ADGRL1: variants seen among roughly 807,000 people sequenced by gnomAD.
ADGRL1 encodes adhesion G protein-coupled receptor L1.
A neutral mutation model predicts 148.9 loss-of-function variants in ADGRL1; 31 were observed. The ratio of observed to expected loss-of-function variants is 0.21; its 90% CI spans 0.16 to 0.28. ADGRL1 has a LOEUF of 0.28. Ranked by LOEUF, ADGRL1 falls within the 10% of genes least tolerant of loss-of-function variation. ADGRL1 has a pLI of 1.00. For synonymous variants in ADGRL1, 937 were observed against 900.3 expected (o/e 1.04, Z -0.73); for missense variants, 1,521 against 2,058.8 (o/e 0.74, Z 5.05).
chr19:14,178,448 T>C (rs1219066799), intron 2 of ADGRL1, among the ~76,000 whole-genome samples: 1 of 151,936 alleles, frequency 6.6e-6, no homozygotes, highest in African/African-American at 2.4e-5. Context: ...GAGGCTCCAG[T>C]AAGCCATGAT....
intron 1 of ADGRL1, among the ~76,000 whole-genome samples, chr19:14,205,625 G>A (rs551565295): frequency 5.4e-4 from 82 of 151,606 alleles, no homozygotes; most frequent in African/African-American, 1.9e-3. Flanking sequence ...CGCAGGCACC[G>A]CCGCGCCGCT....
In ADGRL1 at chr19:14,189,487, C is replaced by T. The variant is rs186609997; in HGVS notation, c.-95-5790G>A. 1.3e-4 allele frequency among the ~76,000 whole-genome samples: 20 copies of T among 152,282 alleles called. No individual in the cohort carries two copies. In the East Asian group the frequency reaches 2.9e-3, roughly 22 times the overall value. On this transcript the variant is annotated intron_variant, in intron 1 of 22. Coordinates refer to ENST00000361434, the MANE Select transcript of ADGRL1 (RefSeq NM_014921.5). The stretch of plus-strand genomic sequence containing the variant: ...TCAAGTGATCTGCCCATCTTGGCCT[C>T]GTAAAGTGCTGGGATTACGGCTGTG...
Position 14,161,260 on chromosome 19 carries a change from C to T in ADGRL1, c.1510+52G>A, listed in dbSNP as rs189402785. On this transcript the variant is annotated intron_variant, in intron 6 of 22. Transcript: ENST00000361434. This position sits in a 1 kb window ranked among gnomAD's most constrained non-coding sequence, Gnocchi z 4.4. The stretch of plus-strand genomic sequence containing the variant: ...CACCCACACATGCATCTGTGCTAAG[C>T]TGCTGGGGGCATGGCCCCCATCCCT... The T allele has an allele frequency of 1.5e-3, 2,279 of 1,479,576 alleles. 35 individuals are homozygous for T. In the African/African-American group the frequency reaches 0.029, roughly 19 times the overall value. The allele number at this position is 1,479,576 out of a possible 1,614,324, so 91.7% of individuals were successfully genotyped here.
At chr19:14,204,763 C>G (rs1289493323) in intron 1 of ADGRL1, among the ~76,000 whole-genome samples, 1 of 149,524 alleles carries the variant, frequency 6.7e-6, no homozygotes, top group Non-Finnish European at 1.5e-5. Flanking sequence ...AGAGAGAGCG[C>G]GCGAGCCAGC....
At chr19:14,190,817 G>A (rs1971881788) in intron 1 of ADGRL1, among the ~76,000 whole-genome samples, 1 of 152,194 alleles carries the variant, frequency 6.6e-6, no homozygotes, top group African/African-American at 2.4e-5. Flanking sequence ...GCCGGGCGCA[G>A]TGGCTCACGC....
chr19:14,201,958 T>C (rs1368499911), intron 1 of ADGRL1, among the ~76,000 whole-genome samples: 1 of 152,078 alleles, frequency 6.6e-6, no homozygotes, highest in Non-Finnish European at 1.5e-5. Context: ...GAGTAAACGT[T>C]ACTGGGGAGG....
At chr19:14,175,722 TCA>T (rs1488204943) in intron 3 of ADGRL1, among the ~76,000 whole-genome samples, 1 of 151,938 alleles carries the variant, frequency 6.6e-6, no homozygotes, top group Non-Finnish European at 1.5e-5. Flanking sequence ...ACACATTTAG[TCA>T]CACACTCAAA....
Position 14,155,813 on chromosome 19 carries a change from T to C in ADGRL1, c.3126-286A>G, listed in dbSNP as rs1968670082. 2 of 576,374 alleles carry C rather than the reference T, an allele frequency of 3.5e-6. No homozygotes were observed. Among genetic ancestry groups the C allele is most frequent in the South Asian group, 2.1e-5 (1 of 47,286 alleles). 35.7% of individuals were successfully genotyped at this position (576,374 alleles called of 1,614,324 possible). A position where few individuals can be genotyped will look rare whatever the true frequency, so the allele number is the denominator to read the frequency against. ...CTAAATTTCCAGACCACTTAGGCTA[T>C]ATTTGCTGCCTATTTCTCTTTAAGT... On this transcript the variant is annotated intron_variant, in intron 17 of 22. Transcript: ENST00000361434. The surrounding 1 kb of genome is among the most constrained non-coding windows in gnomAD (Gnocchi z 5.0).
chr19:14,158,195 C>A, intron 12 of ADGRL1, 143 bp from the exon 13 acceptor site: 1 of 1,223,806 alleles, frequency 8.2e-7, no homozygotes, highest in Non-Finnish European at 1.2e-6. Context: ...ATTCTGAGAG[C>A]TCTGGGGACA....
intron 2 of ADGRL1, among the ~76,000 whole-genome samples, chr19:14,179,279 G>A (rs1971028599): frequency 6.6e-6 from 1 of 152,060 alleles, no homozygotes; most frequent in Non-Finnish European, 1.5e-5. Context: ...CAGATCATGA[G>A]GTGAGGTGAT....
intron 1 of ADGRL1, among the ~76,000 whole-genome samples, chr19:14,188,374 G>A (rs747984969): frequency 2.1e-4 from 32 of 152,024 alleles, no homozygotes; most frequent in Non-Finnish European, 4.1e-4. Flanking sequence ...AGACACCCAC[G>A]GAAGAGGCAG....
At chr19:14,200,192 T>G (rs1019142010) in intron 1 of ADGRL1, among the ~76,000 whole-genome samples, 4 of 152,206 alleles carry the variant, frequency 2.6e-5, no homozygotes, top group Non-Finnish European at 5.9e-5. Context: ...GCAAAGGCCC[T>G]GGGGCTGGAC....
chr19:14,156,837 G>C (rs1188928729), intron 15 of ADGRL1, 88 bp downstream of exon 15: 1 of 1,530,008 alleles, frequency 6.5e-7, no homozygotes, highest in African/African-American at 1.4e-5. Context: ...AGGAGGAAGG[G>C]ACTACCGCCC....
intron 1 of ADGRL1, among the ~76,000 whole-genome samples, chr19:14,187,240 G>A (rs1485406261): frequency 6.6e-6 from 1 of 152,220 alleles, no homozygotes; most frequent in Admixed American, 6.5e-5. Context: ...TCGGGAGGCT[G>A]AGGCACGAGA....
At chr19:14,174,360 A>G (rs1157059088) in intron 3 of ADGRL1, among the ~76,000 whole-genome samples, 1 of 151,998 alleles carries the variant, frequency 6.6e-6, no homozygotes, top group African/African-American at 2.4e-5. Context: ...AAGAGAGGCA[A>G]GATTGCTGGA....
intron 3 of ADGRL1, among the ~76,000 whole-genome samples, chr19:14,175,059 T>C (rs1438619817): frequency 6.6e-6 from 1 of 151,264 alleles, no homozygotes; most frequent in Non-Finnish European, 1.5e-5. Flanking sequence ...CCCAGTCTGG[T>C]CTCGAACTCC....
chr19:14,159,389 T>C lies in ADGRL1; in HGVS notation c.2023+12A>G, dbSNP rs775772897. On this transcript the variant is annotated intron_variant, in intron 10 of 22. Coordinates refer to ENST00000361434, the MANE Select transcript of ADGRL1 (RefSeq NM_014921.5). This position sits in a 1 kb window ranked among gnomAD's most constrained non-coding sequence, Gnocchi z 6.0. ...CGTATCTGAGTTTGCCCTGGGTGACTGTGGCACTCACCCACGTTCTCCTTG... is the reference window on the plus strand; with the variant it reads ...CGTATCTGAGTTTGCCCTGGGTGACCGTGGCACTCACCCACGTTCTCCTTG... 3.1e-6 allele frequency: 5 copies of C among 1,601,782 alleles called. No homozygotes were observed. Among genetic ancestry groups the C allele is most frequent in the Middle Eastern group, 1.7e-4 (1 of 5,862 alleles).
Position 14,162,060 on chromosome 19 carries a change from C to T in ADGRL1, c.1196-434G>A, listed in dbSNP as rs1433428253. ...CTTATGTAACCTGGCTATGCTCCTT[C>T]CTTCTGGGGGCCTCAACTCCCCCTT... On this transcript the variant is annotated intron_variant, in intron 5 of 22. Coordinates refer to ENST00000361434, the MANE Select transcript of ADGRL1 (RefSeq NM_014921.5). This position sits in a 1 kb window ranked among gnomAD's most constrained non-coding sequence, Gnocchi z 5.4. 6.6e-6 allele frequency among the ~76,000 whole-genome samples: 1 copy of T among 152,178 alleles called. No homozygotes were observed. Among genetic ancestry groups the T allele is most frequent in the African/African-American group, 2.4e-5 (1 of 41,440 alleles).
At chr19:14,196,398 T>C (rs1972267187) in intron 1 of ADGRL1, among the ~76,000 whole-genome samples, 1 of 152,198 alleles carries the variant, frequency 6.6e-6, no homozygotes, top group Admixed American at 6.5e-5. Context: ...GAGGGCTGAT[T>C]GCTTGGGCTC....
Sources: allele counts gnomAD v4.1 joint callset (sites outside exome capture counted in the v4.1 genomes callset), GRCh38; gene constraint gnomAD v4.1.1; non-coding constraint Gnocchi (gnomAD v3.1); transcripts MANE v1.5; gene names NCBI Gene and HGNC (gene_info 2026-07-23, HGNC 2026-07-21).